CSMD3: variants seen among roughly 807,000 people sequenced by gnomAD.
CSMD3 encodes the protein CUB and sushi domain-containing protein 3.
In CSMD3, 177 loss-of-function variants were observed where a neutral mutation model predicts 435.2. The observed-to-expected ratio is 0.41, with a 90% confidence interval of 0.36 to 0.46. CSMD3 has a LOEUF of 0.46. CSMD3 is among the 20% of genes least tolerant of loss of function. CSMD3 has a pLI of 0.34. For missense variants in CSMD3, 4,265 were observed against 4,504.6 expected (o/e 0.95, Z 1.52); for synonymous variants, 1,656 against 1,520.5 (o/e 1.09, Z -2.07).
chr8:112,375,149 G>C (rs1433462350), intron 38 of CSMD3, among the ~76,000 whole-genome samples: 1 of 152,092 alleles, frequency 6.6e-6, no homozygotes, highest in African/African-American at 2.4e-5. Flanking sequence ...TTAATTTAGA[G>C]GACAGTGGCT....
intron 40 of CSMD3, among the ~76,000 whole-genome samples, chr8:112,349,714 C>T (rs1825974051): frequency 6.6e-6 from 1 of 151,972 alleles, no homozygotes; most frequent in African/African-American, 2.4e-5. Flanking sequence ...ACAAATTAAT[C>T]ATAGTACCTT....
At chr8:112,293,156 C>A (rs548125325) in intron 54 of CSMD3, among the ~76,000 whole-genome samples, 1 of 151,292 alleles carries the variant, frequency 6.6e-6, no homozygotes, top group East Asian at 1.9e-4. Context: ...TTTGGGAGGC[C>A]GGGGTGGGAG....
chr8:112,922,610 G>A (rs1350566), intron 9 of CSMD3, among the ~76,000 whole-genome samples: 128,198 of 151,908 alleles, frequency 0.84, 54,294 homozygotes, highest in East Asian at 0.93. Context: ...GATCCCTCAG[G>A]TAAGTGAGAA....
intron 4 of CSMD3, among the ~76,000 whole-genome samples, chr8:113,137,524 A>C (rs1278618090): frequency 2.0e-5 from 3 of 151,630 alleles, no homozygotes; most frequent in Admixed American, 1.3e-4. Flanking sequence ...TATTTCCCAT[A>C]GTTTTGGAGT....
intron 8 of CSMD3, 67 bp downstream of exon 8, chr8:112,954,617 A>T: frequency 7.0e-6 from 7 of 999,346 alleles, no homozygotes; most frequent in Non-Finnish European, 9.5e-6. Context: ...AAACACATAC[A>T]AACAACACAG....
chr8:112,235,452 G>A (rs1017590329), intron 67 of CSMD3, among the ~76,000 whole-genome samples: 1 of 151,914 alleles, frequency 6.6e-6, no homozygotes, highest in Non-Finnish European at 1.5e-5. Context: ...CATTTGAACT[G>A]GTTCTTAAAA....
intron 1 of CSMD3, among the ~76,000 whole-genome samples, chr8:113,381,373 TA>T (rs1361129139): frequency 6.6e-6 from 1 of 152,108 alleles, no homozygotes; most frequent in Non-Finnish European, 1.5e-5. Context: ...TCTAGGTTTT[TA>T]AAGGCCTGAA....
At chr8:113,425,318 A>G (rs1018372060) in intron 1 of CSMD3, among the ~76,000 whole-genome samples, 2 of 151,652 alleles carry the variant, frequency 1.3e-5, no homozygotes, top group Non-Finnish European at 1.5e-5. Flanking sequence ...TGATATTTAC[A>G]TGAAATAGCA....
At position 112,527,993 on chromosome 8, in the gene CSMD3, T is replaced by C. The variant is rs929186700; in HGVS notation, c.4565-10768A>G. On this transcript the variant is annotated intron_variant, in intron 27 of 70. Coordinates refer to ENST00000297405, the MANE Select transcript of CSMD3 (RefSeq NM_198123.2). ...ATACAAAGTGATGAAATTCGTATAGTATTCATCTGACCTAAATACAAGGTC... is the reference window on the plus strand; with the variant it reads ...ATACAAAGTGATGAAATTCGTATAGCATTCATCTGACCTAAATACAAGGTC... Among the ~76,000 whole-genome samples the C allele has an allele frequency of 7.2e-5, 11 of 152,274 alleles. No homozygotes were observed. In the East Asian group the frequency reaches 1.7e-3, roughly 24 times the overall value.
Position 112,769,688 on chromosome 8 carries a change from G to A in CSMD3, c.1972+30474C>T, listed in dbSNP as rs1363191395. ...CTTTTAGAAATATTTTATTTAATTA[G>A]ATATTTTGGTTGTCTTGTAATGAAT... On this transcript the variant is annotated intron_variant, in intron 13 of 70. Transcript: ENST00000297405. 2.0e-5 allele frequency among the ~76,000 whole-genome samples: 3 copies of A among 151,986 alleles called. No individual in the cohort carries two copies. In the East Asian group the frequency reaches 5.8e-4, roughly 30 times the overall value.
At chr8:112,867,491 G>C (rs1053843604) in intron 10 of CSMD3, among the ~76,000 whole-genome samples, 10 of 152,030 alleles carry the variant, frequency 6.6e-5, no homozygotes, top group Non-Finnish European at 1.3e-4. Flanking sequence ...ACATCATAGA[G>C]TGTGCTTACT....
intron 32 of CSMD3, among the ~76,000 whole-genome samples, chr8:112,440,899 C>T (rs575125684): frequency 5.9e-5 from 9 of 152,258 alleles, no homozygotes; most frequent in African/African-American, 2.2e-4. Flanking sequence ...TCCTAGACAT[C>T]CAGGCCTGTG....
In CSMD3 at chr8:112,224,850, T is replaced by C. The variant is rs755080491; in HGVS notation, c.11045A>G (p.Tyr3682Cys). 3.1e-6 allele frequency: 5 copies of C among 1,614,090 alleles called. No homozygotes were observed. The highest frequency in any genetic ancestry group is 1.7e-5 in the Admixed American group (1 of 60,010). The change falls in exon 71 of 71, where the codon TAT becomes TGT. Residue 3682 changes from tyrosine to cysteine, a missense_variant. By Grantham distance (194) the Tyr-to-Cys change is radical. Coordinates refer to ENST00000297405, the MANE Select transcript of CSMD3 (RefSeq NM_198123.2). ...TTCCACTGACTTTGCGTTGGTGTCA[T>C]ACATGGGATTTTCAAAAGCTGCTTG... ...NGQAAFENPM[Y>C]DTNAKSVEGK...
chr8:112,829,182 A>C (rs903943511), intron 12 of CSMD3, among the ~76,000 whole-genome samples: 3 of 152,176 alleles, frequency 2.0e-5, no homozygotes, highest in African/African-American at 7.2e-5. Context: ...TTTGATGTGC[A>C]TAAGGATCAT....
At chr8:112,727,275 G>A (rs186098559) in intron 13 of CSMD3, among the ~76,000 whole-genome samples, 8 of 151,906 alleles carry the variant, frequency 5.3e-5, no homozygotes, top group Non-Finnish European at 8.8e-5. Flanking sequence ...CATGAACTGC[G>A]TCTGATTTTC....
chr8:112,470,803 T>C (rs971135269), intron 32 of CSMD3, among the ~76,000 whole-genome samples: 2 of 152,102 alleles, frequency 1.3e-5, no homozygotes, highest in Admixed American at 6.6e-5. Context: ...TGCTTAAATA[T>C]ATATGTAACT....
chr8:112,547,083 A>C (rs1354156300), intron 27 of CSMD3, among the ~76,000 whole-genome samples: 1 of 152,168 alleles, frequency 6.6e-6, no homozygotes, highest in African/African-American at 2.4e-5. Flanking sequence ...AAATTGTACT[A>C]ATCGGGGAAG....
chr8:113,192,884 T>C (rs2131989765), intron 3 of CSMD3, among the ~76,000 whole-genome samples: 1 of 151,786 alleles, frequency 6.6e-6, no homozygotes, highest in Non-Finnish European at 1.5e-5. Flanking sequence ...AATCAGATGA[T>C]TTTTGTTTGC....
chr8:113,220,314 T>C (rs901768944), intron 3 of CSMD3, among the ~76,000 whole-genome samples: 1 of 151,346 alleles, frequency 6.6e-6, no homozygotes, highest in Non-Finnish European at 1.5e-5. Flanking sequence ...TGGCTGATTC[T>C]AGAACTAGGA....
Sources: gnomAD v4.1 joint callset for allele counts (sites outside exome capture counted in the v4.1 genomes callset) on GRCh38, gnomAD v4.1.1 for gene constraint, MANE v1.5 for transcripts, NCBI Gene and HGNC (gene_info 2026-07-23, HGNC 2026-07-21) for gene names.